The following FANCA variants were observed in gnomAD, a reference collection of about 807,000 sequenced individuals.
FANCA encodes the protein FA complementation group A.
In FANCA, 236 loss-of-function variants were observed where a neutral mutation model predicts 194.3. The ratio of observed to expected loss-of-function variants is 1.21; its 90% CI spans 1.09 to 1.35. FANCA has a LOEUF of 1.35. Ranked by LOEUF, FANCA falls within the 40% of genes most tolerant of loss-of-function variation. FANCA has a pLI of 0.00. For synonymous variants in FANCA, 1,014 were observed against 715.8 expected (o/e 1.42, Z -6.65); for missense variants, 2,628 against 1,813.9 (o/e 1.45, Z -8.15).
intron 30 of FANCA, among the ~76,000 whole-genome samples, chr16:89,752,894 C>T (rs1248694655): frequency 3.3e-5 from 5 of 152,074 alleles, no homozygotes; most frequent in Non-Finnish European, 7.4e-5. Flanking sequence ...GTCTCCCTTT[C>T]CCCCGGGGAG....
At chr16:89,798,981 G>T in intron 10 of FANCA, 185 bp downstream of exon 10, 2 of 1,613,700 alleles carry the variant, frequency 1.2e-6, no homozygotes, top group South Asian at 2.2e-5. Flanking sequence ...GGAAAAGGCT[G>T]ACCAGAGCGT....
rs1201510933 is a variant in FANCA, at chr16:89,745,461, G to C, written c.3514-390C>G. Among the ~76,000 whole-genome samples the C allele has an allele frequency of 2.8e-5, 4 of 145,386 alleles. No individual in the cohort carries two copies. In the South Asian group the frequency reaches 6.6e-4, roughly 24 times the overall value. ...AAGGGACCACACTCCTCTGAGCTGG[G>C]AACAAAACAGTGAAGGGACCACACT... On this transcript the variant is annotated intron_variant, in intron 35 of 42. Coordinates refer to ENST00000389301, the MANE Select transcript of FANCA (RefSeq NM_000135.4).
chr16:89,782,510 C>CA (rs750202032), intron 17 of FANCA, among the ~76,000 whole-genome samples: 9,467 of 122,356 alleles, frequency 0.077, 404 homozygotes, highest in East Asian at 0.24. Context: ...ACTGCATCTC[C>CA]AAAAAAAAAA....
Position 89,738,546 on chromosome 16 carries a change from G to C in FANCA, c.*55C>G. 6.2e-7 allele frequency: 1 copy of C among 1,609,930 alleles called. No homozygotes were observed. Among genetic ancestry groups the C allele is most frequent in the East Asian group, 2.2e-5 (1 of 44,872 alleles). ...TAGTGCAACAAGAGCTCCATGTTAT[G>C]CTTGTAATAAATTATTTACACGGGA... is the stretch of plus-strand genomic sequence containing the variant. On this transcript the variant is annotated 3_prime_UTR_variant, in exon 43 of 43. Coordinates refer to ENST00000389301, the MANE Select transcript of FANCA (RefSeq NM_000135.4).
chr16:89,742,850 C>A lies in FANCA; in HGVS notation c.3715G>T (p.Glu1239Ter). 3 of 1,614,152 alleles carry A rather than the reference C, an allele frequency of 1.9e-6. No individual in the cohort carries two copies. Among genetic ancestry groups the A allele is most frequent in the Non-Finnish European group, 2.5e-6 (3 of 1,180,024 alleles). ...TTTAGCTGCTTCCTGATGTTTTCTT[C>A]CCTGACTTGTTGAATCGCAAAGTGC... ...ALHFAIQQVREENIRKQLKKL... is the reference protein window; with the variant it reads ...ALHFAIQQVR The change falls in exon 37 of 43, where the codon GAA becomes TAA. Residue 1239 changes from glutamate (E) to a stop codon, truncating the protein, a stop_gained. Transcript: ENST00000389301. LOFTEE classifies it high-confidence loss of function.
At chr16:89,759,588 C>T (rs1437313257) in intron 29 of FANCA, among the ~76,000 whole-genome samples, 1 of 151,758 alleles carries the variant, frequency 6.6e-6, no homozygotes, top group Non-Finnish European at 1.5e-5. Context: ...AAGGGAGACC[C>T]CATTCCTACA....
At chr16:89,781,768 G>C (rs1173288807) in intron 17 of FANCA, among the ~76,000 whole-genome samples, 1 of 151,790 alleles carries the variant, frequency 6.6e-6, no homozygotes, top group African/African-American at 2.4e-5. Context: ...GAGAGGCCGA[G>C]ACGGGCGGAT....
chr16:89,811,178 A>T, intron 3 of FANCA, 107 bp from the exon 4 acceptor site: 2 of 1,472,240 alleles, frequency 1.4e-6, no homozygotes, highest in South Asian at 2.3e-5. Flanking sequence ...GCACAAAAAA[A>T]ATTGCCTTTT....
intron 14 of FANCA, among the ~76,000 whole-genome samples, 184 bp from the exon 15 acceptor site, chr16:89,785,148 G>A (rs570464300): frequency 2.0e-5 from 3 of 152,184 alleles, no homozygotes; most frequent in African/African-American, 7.2e-5. Context: ...GGCGGCTGCT[G>A]TAGTCGGCCT....
At chr16:89,778,584 C>T (rs913575002) in intron 20 of FANCA, 2 of 526,046 alleles carry the variant, frequency 3.8e-6, no homozygotes, top group South Asian at 2.1e-5. Flanking sequence ...GCCAAGATCT[C>T]GCCTCTGCAC....
At chr16:89,772,683 G>A (rs1338818695) in intron 22 of FANCA, among the ~76,000 whole-genome samples, 1 of 151,872 alleles carries the variant, frequency 6.6e-6, no homozygotes, top group African/African-American at 2.4e-5. Context: ...GCCAGACATG[G>A]AGGCAGTCAC....
At chr16:89,794,322 T>C (rs371805166) in intron 11 of FANCA, among the ~76,000 whole-genome samples, 27 of 152,100 alleles carry the variant, frequency 1.8e-4, no homozygotes, top group African/African-American at 6.0e-4. Context: ...GAGGCCGAAG[T>C]GGGTGGATCA....
chr16:89,741,001 C>T, intron 37 of FANCA, 135 bp from the exon 38 acceptor site: 1 of 797,674 alleles, frequency 1.3e-6, no homozygotes, highest in Non-Finnish European at 2.1e-6. Context: ...TCTTAGAAAA[C>T]TTTCCAATCA....
Position 89,784,815 on chromosome 16 carries a change from A to G in FANCA, c.1470+39T>C, listed in dbSNP as rs371754525. On this transcript the variant is annotated intron_variant, in intron 15 of 42. Coordinates refer to ENST00000389301, the MANE Select transcript of FANCA (RefSeq NM_000135.4). ...AGTCCTCAGATGCAGCAGGTGAGCG[A>G]AGCACCAGAAATCATGGATGTGGCA... 4 of 1,498,868 alleles carry G rather than the reference A, an allele frequency of 2.7e-6. No homozygotes were observed. The African/African-American group carries it at 4.1e-5, about 15-fold the overall frequency. 92.8% of individuals were successfully genotyped at this position (1,498,868 alleles called of 1,614,324 possible). A position where few individuals can be genotyped will look rare whatever the true frequency, so the allele number is the denominator to read the frequency against.
At chr16:89,814,405 C>T (rs547560464) in intron 3 of FANCA, 115 bp downstream of exon 3, 2 of 742,486 alleles carry the variant, frequency 2.7e-6, no homozygotes, top group East Asian at 5.5e-5. Context: ...CTACACACAC[C>T]AGTGGAAACC....
chr16:89,741,859 C>G (rs777253141), intron 37 of FANCA, among the ~76,000 whole-genome samples: 5 of 152,176 alleles, frequency 3.3e-5, no homozygotes, highest in Non-Finnish European at 5.9e-5. Flanking sequence ...CACTTGAAGG[C>G]TGACAGCATT....
At chr16:89,793,732 C>A (rs2040154380) in intron 11 of FANCA, among the ~76,000 whole-genome samples, 1 of 151,952 alleles carries the variant, frequency 6.6e-6, no homozygotes, top group African/African-American at 2.4e-5. Flanking sequence ...AGGCGTGTGC[C>A]ACCATACCCA....
chr16:89,748,510 C>T, intron 33 of FANCA, 149 bp downstream of exon 33: 1 of 731,852 alleles, frequency 1.4e-6, no homozygotes. Context: ...TCCTCCCTCA[C>T]ATGGCATTCC....
intron 29 of FANCA, 127 bp downstream of exon 29, chr16:89,761,822 C>T: frequency 1.3e-6 from 1 of 768,446 alleles, no homozygotes; most frequent in Non-Finnish European, 2.3e-6. Context: ...AATGGAGTTT[C>T]CCCATGTTGC....
Sources: allele counts gnomAD v4.1 joint callset (sites outside exome capture counted in the v4.1 genomes callset), GRCh38; gene constraint gnomAD v4.1.1; transcripts MANE v1.5; gene names NCBI Gene and HGNC (gene_info 2026-07-23, HGNC 2026-07-21).